The following CLASP1 variants were observed in gnomAD, a reference collection of about 807,000 sequenced individuals.
CLASP1 encodes CLIP-associating protein 1.
CLASP1 carries 38 observed loss-of-function variants against 192.3 expected under a neutral mutation model. The observed-to-expected ratio is 0.20, with a 90% CI of 0.15 to 0.26. CLASP1 has a LOEUF of 0.26. CLASP1 is among the 10% of genes least tolerant of loss of function. The pLI, the probability that CLASP1 is intolerant of heterozygous loss-of-function variation, is 1.00. For synonymous variants in CLASP1, 691 were observed against 712.8 expected (o/e 0.97, Z 0.49); for missense variants, 1,433 against 1,932.5 (o/e 0.74, Z 4.85).
chr2:121,478,770 C>CCCACACACACACCCCACACACACCACACA (rs1559366850), intron 8 of CLASP1, among the ~76,000 whole-genome samples: 42 of 29,964 alleles, frequency 1.4e-3, no homozygotes, highest in African/African-American at 5.6e-3. Flanking sequence ...CACCACACAC[C>CCCACACACACACCCCACACACACCACACA]CCACACACAC....
chr2:121,492,509 T>C (rs1232962096), intron 8 of CLASP1, among the ~76,000 whole-genome samples: 1 of 151,882 alleles, frequency 6.6e-6, no homozygotes, highest in African/African-American at 2.4e-5. Context: ...AATTCGATTT[T>C]TAAGTGGACA....
chr2:121,380,765 A>G lies in CLASP1; in HGVS notation c.3491+1443T>C, dbSNP rs139588108. On this transcript the variant is annotated intron_variant, in intron 33 of 39. Coordinates refer to ENST00000263710, the Ensembl canonical transcript of CLASP1. ...GTAACTGATAGGTTTTCTAAATGTA[A>G]AAGTCTCTAGTCAACTATCCCTGCC... Among the ~76,000 whole-genome samples, 273 of 152,360 alleles carry G rather than the reference A, an allele frequency of 1.8e-3. 2 individuals carry two copies. The highest frequency in any genetic ancestry group is 5.8e-3 in the African/African-American group (243 of 41,584).
In CLASP1 at chr2:121,476,839, G is replaced by A. The variant is rs1478671208; in HGVS notation, c.713-6879C>T. ...CAGCCTACTAACTAGACTATAATTA[G>A]CTCTCTCAAGAGGAAGCTGCACAGA... On this transcript the variant is annotated intron_variant, in intron 8 of 39. Coordinates refer to ENST00000263710, the Ensembl canonical transcript of CLASP1. Among the ~76,000 whole-genome samples, 3 of 152,154 alleles carry A rather than the reference G, an allele frequency of 2.0e-5. No individual in the cohort carries two copies. In the East Asian group the frequency reaches 5.8e-4, roughly 29 times the overall value.
chr2:121,527,828 G>A, exon 5 of CLASP1: 1 of 1,613,884 alleles, frequency 6.2e-7, no homozygotes, highest in Non-Finnish European at 8.5e-7. Flanking sequence ...GGCAGAGACA[G>A]ATGCCTTCTC....
chr2:121,613,620 CT>C (rs144039341), intron 1 of CLASP1, among the ~76,000 whole-genome samples: 4,616 of 70,640 alleles, frequency 0.065, 89 homozygotes, highest in South Asian at 0.15. Context: ...TGCACAAAGC[CT>C]TTTTTTTTAA....
intron 8 of CLASP1, among the ~76,000 whole-genome samples, chr2:121,501,830 A>G (rs1483226923): frequency 6.6e-6 from 1 of 152,182 alleles, no homozygotes; most frequent in Non-Finnish European, 1.5e-5. Flanking sequence ...TCAAAATGTG[A>G]AGGCTTGTAC....
chr2:121,549,833 G>A (rs544967855), intron 2 of CLASP1, among the ~76,000 whole-genome samples: 4 of 151,422 alleles, frequency 2.6e-5, no homozygotes, highest in East Asian at 1.9e-4. Context: ...GTGAAACCCC[G>A]TCTCTATTAA....
At chr2:121,434,839 T>C (rs1224604129) in intron 19 of CLASP1, among the ~76,000 whole-genome samples, 1 of 151,050 alleles carries the variant, frequency 6.6e-6, no homozygotes, top group Non-Finnish European at 1.5e-5. Flanking sequence ...AATGCAAAAA[T>C]TACCTGGGCG....
chr2:121,410,570 C>T (rs1296696258), intron 24 of CLASP1, among the ~76,000 whole-genome samples: 1 of 151,924 alleles, frequency 6.6e-6, no homozygotes, highest in South Asian at 2.1e-4. Context: ...AAAAAAGAAG[C>T]CCAATGACAT....
At chr2:121,452,652 A>C (rs959351314) in intron 14 of CLASP1, among the ~76,000 whole-genome samples, 1 of 152,064 alleles carries the variant, frequency 6.6e-6, no homozygotes, top group African/African-American at 2.4e-5. Flanking sequence ...TTAGCCAGGC[A>C]TGGTGGCGGG....
intron 22 of CLASP1, among the ~76,000 whole-genome samples, chr2:121,422,260 A>C (rs1265002990): frequency 6.6e-6 from 1 of 152,226 alleles, no homozygotes; most frequent in Non-Finnish European, 1.5e-5. Context: ...AAGACATGAA[A>C]TGTCTCTCTG....
chr2:121,407,575 C>T, exon 25 of CLASP1: 1 of 1,614,006 alleles, frequency 6.2e-7, no homozygotes, highest in Non-Finnish European at 8.5e-7. Flanking sequence ...CTGCTACATC[C>T]TCAGTCTGCC....
chr2:121,443,609 CAG>C (rs2083766879), intron 19 of CLASP1, among the ~76,000 whole-genome samples: 1 of 152,214 alleles, frequency 6.6e-6, no homozygotes, highest in Non-Finnish European at 1.5e-5. Flanking sequence ...CTCATCAGGA[CAG>C]AGGTTTCTTG....
intron 1 of CLASP1, among the ~76,000 whole-genome samples, chr2:121,618,213 A>G (rs191261581): frequency 3.3e-5 from 5 of 152,372 alleles, no homozygotes; most frequent in Non-Finnish European, 7.3e-5. Context: ...CCTAATGCCT[A>G]TAATGCCTGT....
intron 25 of CLASP1, 51 bp downstream of exon 26, chr2:121,407,420 G>A (rs952764346): frequency 6.2e-7 from 1 of 1,602,712 alleles, no homozygotes; most frequent in African/African-American, 1.3e-5. Context: ...AACCCCTGAA[G>A]AGTCCAACAG....
At chr2:121,463,008 A>G (rs1157458559) in intron 9 of CLASP1, among the ~76,000 whole-genome samples, 1 of 152,196 alleles carries the variant, frequency 6.6e-6, no homozygotes, top group Non-Finnish European at 1.5e-5. Context: ...ATTTGTGAAT[A>G]TTCAAACAAG....
intron 2 of CLASP1, among the ~76,000 whole-genome samples, chr2:121,568,238 G>C (rs2059678304): frequency 6.6e-6 from 1 of 152,092 alleles, no homozygotes; most frequent in African/African-American, 2.4e-5. Context: ...TCAGAGTTCA[G>C]AGACAGCACA....
intron 23 of CLASP1, among the ~76,000 whole-genome samples, chr2:121,416,247 C>A (rs1476408115): frequency 2.0e-5 from 3 of 152,254 alleles, no homozygotes; most frequent in East Asian, 3.9e-4. Flanking sequence ...CAAGGTAGAC[C>A]CACTTATGTG....
intron 8 of CLASP1, chr2:121,470,563 C>T (rs1196648349): frequency 2.5e-6 from 1 of 394,696 alleles, no homozygotes; most frequent in Non-Finnish European, 4.9e-6. Flanking sequence ...GAAAATGGTA[C>T]AAGTGAAACA....
Sources: allele counts gnomAD v4.1 joint callset (sites outside exome capture counted in the v4.1 genomes callset), GRCh38; gene constraint gnomAD v4.1.1; transcripts MANE v1.5; gene names NCBI Gene and HGNC (gene_info 2026-07-23, HGNC 2026-07-21).